The following CPNE8 variants were observed in gnomAD, a reference collection of about 807,000 sequenced individuals.
The protein encoded by CPNE8 is copine-8.
In CPNE8, 45 loss-of-function variants were observed where a neutral mutation model predicts 81.5. The ratio of observed to expected loss-of-function variants is 0.55; its 90% confidence interval spans 0.44 to 0.71. The LOEUF (loss-of-function observed/expected upper bound fraction) is 0.71, where lower values mean the gene tolerates loss of function less well. Ranked by LOEUF, CPNE8 falls within the 30% of genes least tolerant of loss-of-function variation. CPNE8 has a pLI of 0.00. For missense variants in CPNE8, 594 were observed against 672.1 expected (o/e 0.88, Z 1.28); for synonymous variants, 252 against 226.3 (o/e 1.11, Z -1.02).
intron 6 of CPNE8, among the ~76,000 whole-genome samples, chr12:38,785,706 C>G (rs1265833128): frequency 6.6e-6 from 1 of 152,014 alleles, no homozygotes; most frequent in African/African-American, 2.4e-5. Flanking sequence ...TTATTAGCAC[C>G]ATGAGACATA....
chr12:38,774,885 A>G (rs1941893923), intron 7 of CPNE8, among the ~76,000 whole-genome samples: 1 of 152,190 alleles, frequency 6.6e-6, no homozygotes, highest in South Asian at 2.1e-4. Flanking sequence ...GCTTCAATTT[A>G]CATGTTTTTT....
chr12:38,829,433 C>A lies in CPNE8; in HGVS notation c.353G>T (p.Cys118Phe), dbSNP rs145207290. ...SKHDFLGQVF[C>F]TLGEIVGSQG... ...TGAACCAACGATCTCTCCCAATGTA[C>A]AAAACACTTGTCCCAGAAAGTCCTG... The change falls in exon 6 of 20, where the codon TGT becomes TTT. Residue 118 changes from cysteine (C) to phenylalanine (F), a missense_variant. Coordinates refer to ENST00000331366, the MANE Select transcript of CPNE8 (RefSeq NM_153634.3). 2.3e-4 allele frequency: 368 copies of A among 1,612,806 alleles called. No individual in the cohort carries two copies. The highest frequency in any genetic ancestry group is 3.0e-4 in the Non-Finnish European group (354 of 1,179,046).
chr12:38,793,606 T>C (rs12308699), intron 6 of CPNE8, among the ~76,000 whole-genome samples: 3,353 of 152,092 alleles, frequency 0.022, 90 homozygotes, highest in South Asian at 0.13. Flanking sequence ...TGTTCATAGA[T>C]TGGAAGCTTT....
At chr12:38,676,132 A>T (rs1266875708) in intron 17 of CPNE8, 2 of 437,036 alleles carry the variant, frequency 4.6e-6, no homozygotes, top group Non-Finnish European at 6.0e-6. Context: ...AAAAAAAATT[A>T]AAAAAGAAAA....
chr12:38,830,902 C>T (rs983709279), intron 5 of CPNE8, among the ~76,000 whole-genome samples: 1 of 152,118 alleles, frequency 6.6e-6, no homozygotes, highest in Non-Finnish European at 1.5e-5. Flanking sequence ...AGCCATGCTG[C>T]CTCTCTGCTT....
chr12:38,663,421 T>C (rs1016252461), intron 19 of CPNE8, among the ~76,000 whole-genome samples: 2 of 152,034 alleles, frequency 1.3e-5, no homozygotes, highest in African/African-American at 4.8e-5. Context: ...AAATCACTAT[T>C]TATCAGAGAA....
At chr12:38,895,584 G>A (rs1944378148) in intron 1 of CPNE8, among the ~76,000 whole-genome samples, 1 of 151,978 alleles carries the variant, frequency 6.6e-6, no homozygotes, top group Non-Finnish European at 1.5e-5. Flanking sequence ...AACATCACAT[G>A]GTTAAAGTTT....
At chr12:38,718,346 A>T (rs1271157749) in intron 13 of CPNE8, among the ~76,000 whole-genome samples, 1 of 152,214 alleles carries the variant, frequency 6.6e-6, no homozygotes, top group Non-Finnish European at 1.5e-5. Context: ...TTTAGTTGAA[A>T]ATACACAATC....
chr12:38,734,120 C>T lies in CPNE8; in HGVS notation c.723-3762G>A, dbSNP rs553494751. ...AAACCCATCAATTCATGTATTTCCT[C>T]TCTTCACCTATGTTTTGAAGGCAAG... On this transcript the variant is annotated intron_variant, in intron 10 of 19. Transcript: ENST00000331366. 1.2e-4 allele frequency among the ~76,000 whole-genome samples: 19 copies of T among 152,114 alleles called. No homozygotes were observed. In the South Asian group the frequency reaches 3.9e-3, roughly 32 times the overall value.
chr12:38,849,468 T>A (rs896087245), intron 3 of CPNE8, among the ~76,000 whole-genome samples: 1 of 152,206 alleles, frequency 6.6e-6, no homozygotes, highest in Non-Finnish European at 1.5e-5. Flanking sequence ...TTCTGAGCAA[T>A]ATTAGGCAAT....
intron 14 of CPNE8, among the ~76,000 whole-genome samples, chr12:38,696,190 C>G: frequency 6.6e-6 from 1 of 152,112 alleles, no homozygotes; most frequent in East Asian, 1.9e-4. Context: ...CTACACCAGT[C>G]TCTTCACATT....
At chr12:38,892,341 A>G (rs896173162) in intron 1 of CPNE8, among the ~76,000 whole-genome samples, 3 of 152,202 alleles carry the variant, frequency 2.0e-5, no homozygotes, top group African/African-American at 7.2e-5. Context: ...GAAACAGTGG[A>G]AGTTTCTGCA....
chr12:38,668,985 C>T (rs142438516), intron 19 of CPNE8, among the ~76,000 whole-genome samples: 1,853 of 150,278 alleles, frequency 0.012, 29 homozygotes, highest in Middle Eastern at 0.041. Context: ...ACCCAGGAGA[C>T]GGAGCTTGCA....
At chr12:38,738,791 T>G in intron 10 of CPNE8, among the ~76,000 whole-genome samples, 1 of 151,646 alleles carries the variant, frequency 6.6e-6, no homozygotes, top group Non-Finnish European at 1.5e-5. Flanking sequence ...CTCTCAAAAT[T>G]AAAATTTTTC....
intron 6 of CPNE8, among the ~76,000 whole-genome samples, chr12:38,778,808 T>C (rs1333938503): frequency 6.6e-6 from 1 of 152,230 alleles, no homozygotes; most frequent in African/African-American, 2.4e-5. Context: ...GAGTTAAATG[T>C]CTGTATACAG....
chr12:38,863,791 G>C (rs940407219), intron 3 of CPNE8, among the ~76,000 whole-genome samples: 1 of 152,062 alleles, frequency 6.6e-6, no homozygotes, highest in African/African-American at 2.4e-5. Context: ...GGTGGCTCAC[G>C]CCTGTGGTCC....
intron 1 of CPNE8, among the ~76,000 whole-genome samples, chr12:38,878,885 G>T (rs934125927): frequency 3.3e-5 from 5 of 152,114 alleles, no homozygotes; most frequent in African/African-American, 1.2e-4. Flanking sequence ...TTTATTTACA[G>T]AAATAACTAA....
intron 7 of CPNE8, among the ~76,000 whole-genome samples, chr12:38,770,132 T>C (rs561231641): frequency 3.9e-5 from 6 of 152,332 alleles, no homozygotes; most frequent in South Asian, 2.1e-4. Context: ...ACTCCACATA[T>C]AAGGACCATT....
At chr12:38,740,261 T>A (rs1237805735) in intron 10 of CPNE8, among the ~76,000 whole-genome samples, 1 of 152,194 alleles carries the variant, frequency 6.6e-6, no homozygotes, top group Non-Finnish European at 1.5e-5. Flanking sequence ...ATCCTGAGAC[T>A]TAGCTGAAGT....
Sources: gnomAD v4.1 joint callset for allele counts (sites outside exome capture counted in the v4.1 genomes callset) on GRCh38, gnomAD v4.1.1 for gene constraint, MANE v1.5 for transcripts, NCBI Gene and HGNC (gene_info 2026-07-23, HGNC 2026-07-21) for gene names.